Variants in ATOSA observed in about 807,000 individuals in gnomAD.
ATOSA encodes atos homolog A.
At chr15:52,581,907 T>C in the ATOSA span, 8 of 360,256 alleles carry the variant, frequency 2.2e-5, no homozygotes, top group Non-Finnish European at 3.9e-5. Context: ...CTAATCTAAC[T>C]GGGGGTTTTG....
At chr15:52,620,199 T>C in the ATOSA span, among the ~76,000 whole-genome samples, 1 of 152,224 alleles carries the variant, frequency 6.6e-6, no homozygotes, top group Non-Finnish European at 1.5e-5. Flanking sequence ...GACTAAGAAG[T>C]AAATTCTTCA....
the ATOSA span, among the ~76,000 whole-genome samples, chr15:52,701,215 A>G: frequency 0.25 from 38,600 of 152,006 alleles, 5,551 homozygotes; most frequent in Non-Finnish European, 0.32. Flanking sequence ...CTGGTGGCTC[A>G]TGCCTTGTAA....
chr15:52,709,337 A>T, the ATOSA span, among the ~76,000 whole-genome samples: 1 of 152,154 alleles, frequency 6.6e-6, no homozygotes, highest in Non-Finnish European at 1.5e-5. Context: ...CTATCATTGC[A>T]AAATCATTGG....
At chr15:52,592,980 C>T in the ATOSA span, among the ~76,000 whole-genome samples, 2 of 152,022 alleles carry the variant, frequency 1.3e-5, no homozygotes, top group Non-Finnish European at 2.9e-5. Context: ...GGCCCTGCCT[C>T]TACAAAACAT....
At chr15:52,593,097 G>A in the ATOSA span, among the ~76,000 whole-genome samples, 8 of 151,772 alleles carry the variant, frequency 5.3e-5, no homozygotes, top group African/African-American at 1.7e-4. Context: ...AGTGGGCTAT[G>A]ACTGCACCAC....
chr15:52,623,473 T>C, the ATOSA span, among the ~76,000 whole-genome samples: 1 of 151,828 alleles, frequency 6.6e-6, no homozygotes, highest in Non-Finnish European at 1.5e-5. Flanking sequence ...CCTAGAGGAA[T>C]ATGTAGATAG....
At chr15:52,642,523 A>G in the ATOSA span, among the ~76,000 whole-genome samples, 1 of 152,244 alleles carries the variant, frequency 6.6e-6, no homozygotes, top group South Asian at 2.1e-4. Flanking sequence ...GTTTGGCCAC[A>G]AGCACAGACT....
the ATOSA span, among the ~76,000 whole-genome samples, chr15:52,584,011 G>T: frequency 4.9e-3 from 696 of 141,090 alleles, 6 homozygotes; most frequent in Non-Finnish European, 6.6e-3. Context: ...AGCAATAACA[G>T]ATTGAAGAAG....
the ATOSA span, among the ~76,000 whole-genome samples, chr15:52,620,537 C>T: frequency 6.6e-6 from 1 of 152,154 alleles, no homozygotes; most frequent in East Asian, 1.9e-4. Flanking sequence ...GTTATATATG[C>T]TGTTTATTTC....
At chr15:52,662,468 A>G in the ATOSA span, among the ~76,000 whole-genome samples, 1 of 152,180 alleles carries the variant, frequency 6.6e-6, no homozygotes, top group Non-Finnish European at 1.5e-5. Context: ...CAAAAAGAGT[A>G]TTATAAAACA....
At chr15:52,627,630 G>C in the ATOSA span, among the ~76,000 whole-genome samples, 1 of 151,342 alleles carries the variant, frequency 6.6e-6, no homozygotes, top group African/African-American at 2.4e-5. Context: ...CTACATTAAG[G>C]GAGAAAAAAT....
At chr15:52,634,355 A>C in the ATOSA span, among the ~76,000 whole-genome samples, 1 of 151,862 alleles carries the variant, frequency 6.6e-6, no homozygotes, top group Non-Finnish European at 1.5e-5. Context: ...CGCTTGCCAA[A>C]ATTGCACCAC....
the ATOSA span, among the ~76,000 whole-genome samples, chr15:52,606,426 T>C: frequency 6.6e-6 from 1 of 152,168 alleles, no homozygotes; most frequent in Non-Finnish European, 1.5e-5. Context: ...TTTGTGACCC[T>C]GGCAAGTTTT....
the ATOSA span, among the ~76,000 whole-genome samples, chr15:52,694,174 T>A: frequency 0.14 from 20,206 of 149,592 alleles, 1,470 homozygotes; most frequent in East Asian, 0.18. Flanking sequence ...ATATATTTTT[T>A]TTTTTTTTTG....
the ATOSA span, among the ~76,000 whole-genome samples, chr15:52,667,360 A>G: frequency 6.6e-6 from 1 of 152,242 alleles, no homozygotes; most frequent in Non-Finnish European, 1.5e-5. Flanking sequence ...CCATTTCTGT[A>G]AAAGGAAGCA....
chr15:52,681,317 C>T, the ATOSA span, among the ~76,000 whole-genome samples: 1 of 152,118 alleles, frequency 6.6e-6, no homozygotes, highest in African/African-American at 2.4e-5. Flanking sequence ...ACCTGCTAGG[C>T]TCATACAAGT....
At chr15:52,701,279 A>C in the ATOSA span, among the ~76,000 whole-genome samples, 44 of 152,218 alleles carry the variant, frequency 2.9e-4, 1 homozygote, top group Non-Finnish European at 6.0e-4. Context: ...CTGTCTCTAC[A>C]AAGTATAACA....
At chr15:52,676,854 T>C in the ATOSA span, among the ~76,000 whole-genome samples, 174 of 152,336 alleles carry the variant, frequency 1.1e-3, no homozygotes, top group African/African-American at 3.9e-3. Flanking sequence ...ATTACTAACC[T>C]TGGTGCCATT....
the ATOSA span, among the ~76,000 whole-genome samples, chr15:52,617,347 G>A: frequency 6.6e-6 from 1 of 152,244 alleles, no homozygotes; most frequent in African/African-American, 2.4e-5. Flanking sequence ...CAGGAAGAGA[G>A]CTCTCACCAG....
Sources: allele counts gnomAD v4.1 joint callset (sites outside exome capture counted in the v4.1 genomes callset), GRCh38; gene constraint gnomAD v4.1.1; transcripts MANE v1.5; gene names NCBI Gene and HGNC (gene_info 2026-07-23, HGNC 2026-07-21).